Variants in CNTN3 observed in about 807,000 individuals in gnomAD.
CNTN3 encodes the protein contactin-3.
In CNTN3, 60 loss-of-function variants were observed where a neutral mutation model predicts 119.1. The observed-to-expected ratio is 0.50, with a 90% CI of 0.41 to 0.62. The LOEUF is 0.62. Among genes scored for constraint, CNTN3 ranks in the 20% least tolerant of loss-of-function variants. The pLI is 0.00. For synonymous variants in CNTN3, 450 were observed against 438.7 expected, an observed-to-expected ratio of 1.03 and a Z score of -0.32; for missense variants, 1,101 against 1,242.4, an observed-to-expected ratio of 0.89 and a Z score of 1.71.
chr3:74,281,427 T>C (rs908323935), intron 20 of CNTN3, among the ~76,000 whole-genome samples: 1 of 152,128 alleles, frequency 6.6e-6, no homozygotes, highest in Non-Finnish European at 1.5e-5. Flanking sequence ...ATCGATCTCC[T>C]AGGCTCAAGG....
intron 13 of CNTN3, among the ~76,000 whole-genome samples, chr3:74,325,872 T>C (rs1029044201): frequency 2.6e-5 from 4 of 152,118 alleles, no homozygotes; most frequent in Non-Finnish European, 5.9e-5. Context: ...TCTACTAATT[T>C]CCTATCTGAG....
At chr3:74,571,144 C>A (rs1704326938) in intron 1 of CNTN3, among the ~76,000 whole-genome samples, 1 of 152,172 alleles carries the variant, frequency 6.6e-6, no homozygotes, top group Non-Finnish European at 1.5e-5. Context: ...GAATGCAATT[C>A]TTCCCCTAGG....
intron 13 of CNTN3, among the ~76,000 whole-genome samples, chr3:74,303,349 T>G (rs1213417700): frequency 1.3e-5 from 2 of 152,136 alleles, no homozygotes; most frequent in Non-Finnish European, 2.9e-5. Context: ...ACAGTAAGCA[T>G]GAAAGCATGA....
chr3:74,369,844 C>T (rs542377792), intron 7 of CNTN3, 45 bp downstream of exon 7: 6 of 998,954 alleles, frequency 6.0e-6, no homozygotes, highest in Non-Finnish European at 9.3e-6. Context: ...TTTCTTATAG[C>T]AACCTAATAT....
chr3:74,509,950 T>C (rs1300681332), intron 2 of CNTN3, among the ~76,000 whole-genome samples: 3 of 151,848 alleles, frequency 2.0e-5, no homozygotes, highest in Non-Finnish European at 4.4e-5. Context: ...CCGGGCTTTA[T>C]ACTTTCAGAA....
chr3:74,316,887 C>G (rs1190714311), intron 13 of CNTN3, among the ~76,000 whole-genome samples: 2 of 150,964 alleles, frequency 1.3e-5, no homozygotes, highest in East Asian at 3.9e-4. Context: ...GAGACCGCAC[C>G]ACTGCACTCC....
chr3:74,595,575 C>G (rs909872498), intron 1 of CNTN3, among the ~76,000 whole-genome samples: 1 of 152,024 alleles, frequency 6.6e-6, no homozygotes, highest in Admixed American at 6.6e-5. Context: ...ATAAACAGAA[C>G]CAAAGACAAA....
At chr3:74,331,275 A>C in intron 13 of CNTN3, among the ~76,000 whole-genome samples, 1 of 152,148 alleles carries the variant, frequency 6.6e-6, no homozygotes, top group Admixed American at 6.5e-5. Context: ...ACACACAAAT[A>C]CTTGCCATTC....
intron 1 of CNTN3, among the ~76,000 whole-genome samples, chr3:74,609,394 C>T (rs993020446): frequency 6.6e-6 from 1 of 152,134 alleles, no homozygotes; most frequent in African/African-American, 2.4e-5. Flanking sequence ...CCCAGCCTGG[C>T]ACATTGCTTG....
chr3:74,323,300 C>T (rs182027403), intron 13 of CNTN3, among the ~76,000 whole-genome samples: 5 of 152,178 alleles, frequency 3.3e-5, no homozygotes. Context: ...ACCTTAGCAA[C>T]TGTGTAATAA....
chr3:74,566,748 T>C (rs999495060), intron 1 of CNTN3, among the ~76,000 whole-genome samples: 5 of 152,138 alleles, frequency 3.3e-5, no homozygotes, highest in Non-Finnish European at 7.4e-5. Flanking sequence ...TACAGGGCAT[T>C]ATGACTTATA....
intron 2 of CNTN3, among the ~76,000 whole-genome samples, chr3:74,509,634 A>T (rs1214548407): frequency 6.6e-6 from 1 of 152,142 alleles, no homozygotes; most frequent in Non-Finnish European, 1.5e-5. Context: ...AATGGCACAG[A>T]TTATAAATAA....
chr3:74,570,652 T>A (rs548419683), intron 1 of CNTN3, among the ~76,000 whole-genome samples: 2 of 152,264 alleles, frequency 1.3e-5, no homozygotes, highest in East Asian at 3.9e-4. Flanking sequence ...GCCAATGCTA[T>A]GTAAAATTTT....
chr3:74,546,381 C>T (rs541613636), intron 1 of CNTN3, among the ~76,000 whole-genome samples: 2 of 152,214 alleles, frequency 1.3e-5, no homozygotes, highest in South Asian at 4.1e-4. Flanking sequence ...AGTATTGTTC[C>T]TGGGTGTATC....
intron 1 of CNTN3, among the ~76,000 whole-genome samples, chr3:74,586,678 G>A (rs1366021647): frequency 5.3e-5 from 8 of 151,898 alleles, no homozygotes; most frequent in African/African-American, 1.9e-4. Flanking sequence ...AGCATTCAGT[G>A]AATTCATATT....
chr3:74,608,658 A>T (rs1705031437), intron 1 of CNTN3, among the ~76,000 whole-genome samples: 1 of 152,200 alleles, frequency 6.6e-6, no homozygotes, highest in African/African-American at 2.4e-5. Flanking sequence ...AAATCTTTAT[A>T]CACTAAAATA....
intron 20 of CNTN3, among the ~76,000 whole-genome samples, chr3:74,281,083 AG>A (rs1224993401): frequency 6.6e-6 from 1 of 152,202 alleles, no homozygotes; most frequent in African/African-American, 2.4e-5. Context: ...GAAATAAGTC[AG>A]AGCAGAGATT....
chr3:74,508,552 GCATACAACTGATAAA>G (rs1473981221), intron 2 of CNTN3, among the ~76,000 whole-genome samples: 1 of 152,026 alleles, frequency 6.6e-6, no homozygotes, highest in Non-Finnish European at 1.5e-5. Flanking sequence ...GACACAGTAA[GCATACAACTGATAAA>G]CATACAACTG....
intron 4 of CNTN3, among the ~76,000 whole-genome samples, chr3:74,441,524 A>G (rs1404450014): frequency 6.6e-6 from 1 of 152,214 alleles, no homozygotes; most frequent in Non-Finnish European, 1.5e-5. Context: ...ACATGGATAC[A>G]TTAGTTTAGT....
Sources: gnomAD v4.1 joint callset for allele counts (sites outside exome capture counted in the v4.1 genomes callset) on GRCh38, gnomAD v4.1.1 for gene constraint, MANE v1.5 for transcripts, NCBI Gene and HGNC (gene_info 2026-07-23, HGNC 2026-07-21) for gene names.